EEPD1: variants seen among roughly 807,000 people sequenced by gnomAD.
The protein encoded by EEPD1 is endonuclease/exonuclease/phosphatase family domain containing 1.
A neutral mutation model predicts 46.3 loss-of-function variants in EEPD1; 17 were observed. That is an observed-to-expected ratio of 0.37 (90% CI 0.25 to 0.55). The LOEUF is 0.55. Ranked by LOEUF, EEPD1 falls within the 20% of genes least tolerant of loss-of-function variation. The probability of loss-of-function intolerance (pLI) is 0.83; values close to 1 mark genes in which losing one functional copy is unlikely to be tolerated. For synonymous variants in EEPD1, 313 were observed against 315.6 expected, an observed-to-expected ratio of 0.99 and a Z score of 0.09; for missense variants, 673 against 745.6, an observed-to-expected ratio of 0.90 and a Z score of 1.13.
chr7:36,287,198 C>G (rs1390531515), intron 5 of EEPD1, among the ~76,000 whole-genome samples: 1 of 142,790 alleles, frequency 7.0e-6, no homozygotes, highest in Non-Finnish European at 1.5e-5. Flanking sequence ...GATCATGCCA[C>G]TCCACCCCAG....
chr7:36,203,021 G>A (rs938047306), intron 2 of EEPD1, among the ~76,000 whole-genome samples: 4 of 152,194 alleles, frequency 2.6e-5, no homozygotes, highest in African/African-American at 9.7e-5. Flanking sequence ...TTAATCAGGT[G>A]AGGCGGGATG....
intron 2 of EEPD1, among the ~76,000 whole-genome samples, chr7:36,207,855 A>G (rs1237238947): frequency 3.3e-5 from 5 of 150,910 alleles, no homozygotes; most frequent in African/African-American, 1.2e-4. Context: ...ACCCCAGGTG[A>G]ACTGGCTGCT....
intron 2 of EEPD1, among the ~76,000 whole-genome samples, chr7:36,182,747 G>A (rs1022495903): frequency 1.3e-5 from 2 of 152,212 alleles, no homozygotes; most frequent in African/African-American, 2.4e-5. Flanking sequence ...ATTATAAAAC[G>A]GAAGCAGAGC....
chr7:36,253,747 A>G (rs930573577), intron 3 of EEPD1, among the ~76,000 whole-genome samples: 2 of 152,170 alleles, frequency 1.3e-5, no homozygotes, highest in Non-Finnish European at 2.9e-5. Context: ...TATGTTGTCA[A>G]TTCAGCTTTC....
chr7:36,200,923 T>A (rs748621459), intron 2 of EEPD1, among the ~76,000 whole-genome samples: 1 of 152,178 alleles, frequency 6.6e-6, no homozygotes, highest in East Asian at 1.9e-4. Context: ...ACAGCAACTT[T>A]CCATTGGAGA....
At chr7:36,272,108 C>G (rs990680312) in intron 3 of EEPD1, among the ~76,000 whole-genome samples, 1 of 151,890 alleles carries the variant, frequency 6.6e-6, no homozygotes, top group African/African-American at 2.4e-5. Context: ...GTTTTGAACT[C>G]CTGACCTCAA....
intron 6 of EEPD1, among the ~76,000 whole-genome samples, chr7:36,292,780 T>G (rs1787468997): frequency 6.6e-6 from 1 of 152,196 alleles, no homozygotes; most frequent in African/African-American, 2.4e-5. Context: ...GTGCTGGGAT[T>G]ACAGGTGTGA....
intron 2 of EEPD1, among the ~76,000 whole-genome samples, chr7:36,184,850 C>T (rs1785336550): frequency 6.6e-6 from 1 of 152,044 alleles, no homozygotes; most frequent in African/African-American, 2.4e-5. Context: ...CCTGCCTCAG[C>T]CTCTCGAGTA....
chr7:36,289,783 A>C (rs891825856), intron 6 of EEPD1, among the ~76,000 whole-genome samples: 4 of 152,126 alleles, frequency 2.6e-5, no homozygotes, highest in Non-Finnish European at 2.9e-5. Flanking sequence ...CGTGAGCCAC[A>C]GCGCCTGGCC....
At chr7:36,252,829 CTTTTTTTTTTTTTTTTT>C (rs71553053) in intron 3 of EEPD1, among the ~76,000 whole-genome samples, 2 of 54,850 alleles carry the variant, frequency 3.6e-5, no homozygotes, top group African/African-American at 7.7e-5. Flanking sequence ...GTGTTCTCTC[CTTTTTTTTTTTTTTTTT>C]TTTTTTTTTT....
At chr7:36,218,920 A>T (rs1325815419) in intron 2 of EEPD1, among the ~76,000 whole-genome samples, 4 of 152,142 alleles carry the variant, frequency 2.6e-5, no homozygotes, top group Non-Finnish European at 2.9e-5. Flanking sequence ...TTTGGTTAAT[A>T]AAAGCTTAAG....
chr7:36,218,130 C>T (rs1024868211), intron 2 of EEPD1, among the ~76,000 whole-genome samples: 12 of 152,266 alleles, frequency 7.9e-5, no homozygotes, highest in Admixed American at 2.0e-4. Flanking sequence ...AACTGCGTAA[C>T]GGTCCCTAGG....
rs1306794809 is a variant in EEPD1 at position 36,299,437 on chromosome 7, G to T, written c.*231G>T. The T allele has an allele frequency of 5.1e-6, 3 of 585,738 alleles. No homozygotes were observed. Among genetic ancestry groups the T allele is most frequent in the Non-Finnish European group, 9.0e-6 (3 of 332,212 alleles). The allele number at this position is 585,738 out of a possible 1,614,324, so 36.3% of individuals were successfully genotyped here. ...GCAAAGCAGAAACCTGCGGGGAGCGGAGACGCCTTTTATCTCTGGATGCCA... is the reference window on the plus strand; with the variant it reads ...GCAAAGCAGAAACCTGCGGGGAGCGTAGACGCCTTTTATCTCTGGATGCCA... On this transcript the variant is annotated 3_prime_UTR_variant, in exon 8 of 8. Transcript: ENST00000242108.
At position 36,300,475 on chromosome 7, in the gene EEPD1, C is replaced by T. The variant is rs1787603398; in HGVS notation, c.*1269C>T. On this transcript the variant is annotated 3_prime_UTR_variant, in exon 8 of 8. Transcript: ENST00000242108. ...GTTTTGCTATGTGCTCACATTTCAA[C>T]TTTATGCTTAACATGAATGGAAAAA... 1 of 152,246 alleles carries T rather than the reference C, an allele frequency of 6.6e-6. No homozygotes were observed. The highest frequency in any genetic ancestry group is 6.5e-5 in the Admixed American group (1 of 15,280). The allele number at this position is 152,246 out of a possible 1,614,324, so 9.4% of individuals were successfully genotyped here.
At chr7:36,240,305 C>G (rs1786535982) in intron 3 of EEPD1, among the ~76,000 whole-genome samples, 1 of 152,222 alleles carries the variant, frequency 6.6e-6, no homozygotes, top group South Asian at 2.1e-4. Flanking sequence ...AGTCAGTCTG[C>G]TGGTTGGCAC....
intron 4 of EEPD1, among the ~76,000 whole-genome samples, chr7:36,283,426 G>T (rs752768363): frequency 2.6e-5 from 4 of 152,156 alleles, no homozygotes; most frequent in Non-Finnish European, 4.4e-5. Context: ...GGCGGAAGAT[G>T]ACTCGAGTGA....
intron 2 of EEPD1, among the ~76,000 whole-genome samples, chr7:36,204,764 A>C (rs1461458264): frequency 1.3e-5 from 2 of 152,048 alleles, no homozygotes; most frequent in South Asian, 4.1e-4. Context: ...GGCCTCCCGG[A>C]GTTTCTGAAG....
intron 2 of EEPD1, among the ~76,000 whole-genome samples, chr7:36,190,996 G>A (rs564910139): frequency 6.9e-4 from 105 of 152,302 alleles, no homozygotes; most frequent in African/African-American, 2.4e-3. Flanking sequence ...CCCCAGAAAA[G>A]GCTTAAGAGG....
At chr7:36,266,065 A>G (rs541283000) in intron 3 of EEPD1, among the ~76,000 whole-genome samples, 1 of 152,258 alleles carries the variant, frequency 6.6e-6, no homozygotes, top group African/African-American at 2.4e-5. Context: ...GGTGCAAATC[A>G]TGGCGTGGCC....
Sources: gnomAD v4.1 joint callset for allele counts (sites outside exome capture counted in the v4.1 genomes callset) on GRCh38, gnomAD v4.1.1 for gene constraint, MANE v1.5 for transcripts, NCBI Gene and HGNC (gene_info 2026-07-23, HGNC 2026-07-21) for gene names.